AGBL4: variants seen among roughly 807,000 people sequenced by gnomAD.
AGBL4 encodes AGBL carboxypeptidase 4.
In AGBL4, 58 loss-of-function variants were observed where a neutral mutation model predicts 66.4. The ratio of observed to expected loss-of-function variants is 0.87; its 90% CI spans 0.71 to 1.09. The LOEUF is 1.09. Among genes scored for constraint, AGBL4 ranks in the 50% least tolerant of loss-of-function variants. The pLI is 0.00. For missense variants in AGBL4, 579 were observed against 631.0 expected (o/e 0.92, Z 0.88); for synonymous variants, 234 against 222.9 (o/e 1.05, Z -0.44).
At chr1:49,972,415 CT>C (rs1362777256) in intron 1 of AGBL4, among the ~76,000 whole-genome samples, 1 of 152,026 alleles carries the variant, frequency 6.6e-6, no homozygotes, top group African/African-American at 2.4e-5. Context: ...AAGTGAGAAC[CT>C]GTGGTATTTG....
At chr1:49,399,296 C>T (rs371825247) in intron 3 of AGBL4, among the ~76,000 whole-genome samples, 2 of 152,218 alleles carry the variant, frequency 1.3e-5, no homozygotes, top group African/African-American at 4.8e-5. Context: ...AATAGTGCTG[C>T]AATAAACATG....
chr1:49,815,059 A>G (rs1461541555), intron 2 of AGBL4, among the ~76,000 whole-genome samples: 2 of 152,118 alleles, frequency 1.3e-5, no homozygotes, highest in African/African-American at 2.4e-5. Flanking sequence ...AAAATGTACA[A>G]CAAAGTTATT....
At chr1:48,996,241 A>G (rs1382312091) in intron 5 of AGBL4, among the ~76,000 whole-genome samples, 1 of 152,258 alleles carries the variant, frequency 6.6e-6, no homozygotes, top group African/African-American at 2.4e-5. Flanking sequence ...GTTTGATTAT[A>G]CTAATCTAGA....
intron 3 of AGBL4, among the ~76,000 whole-genome samples, chr1:49,548,659 G>A (rs1652704784): frequency 6.6e-6 from 1 of 152,164 alleles, no homozygotes; most frequent in African/African-American, 2.4e-5. Context: ...TTTTTGATAT[G>A]TTGTTGAATT....
At chr1:49,926,838 T>C (rs1271484419) in intron 1 of AGBL4, among the ~76,000 whole-genome samples, 1 of 151,886 alleles carries the variant, frequency 6.6e-6, no homozygotes. Context: ...GGCTGTAGGG[T>C]TCACTAGAGG....
chr1:49,354,015 A>G (rs1643966365), intron 3 of AGBL4, among the ~76,000 whole-genome samples: 1 of 152,216 alleles, frequency 6.6e-6, no homozygotes, highest in South Asian at 2.1e-4. Context: ...CCAGGTACTA[A>G]GAGGGCAGGG....
At chr1:49,979,385 C>T (rs1351587275) in intron 1 of AGBL4, among the ~76,000 whole-genome samples, 2 of 150,932 alleles carry the variant, frequency 1.3e-5, no homozygotes, top group South Asian at 2.1e-4. Context: ...GGCGTGAACC[C>T]GGGAAGCGGA....
intron 1 of AGBL4, among the ~76,000 whole-genome samples, chr1:49,886,410 A>G (rs1648044460): frequency 6.6e-6 from 1 of 152,140 alleles, no homozygotes; most frequent in Non-Finnish European, 1.5e-5. Flanking sequence ...GGAGAGAGAA[A>G]AAGTAGCTAG....
At chr1:49,797,389 A>G (rs1644756645) in intron 2 of AGBL4, among the ~76,000 whole-genome samples, 1 of 152,190 alleles carries the variant, frequency 6.6e-6, no homozygotes, top group African/African-American at 2.4e-5. Flanking sequence ...TAGGTACATT[A>G]GTTATCTTAT....
At chr1:49,512,774 A>G (rs1288196088) in intron 3 of AGBL4, among the ~76,000 whole-genome samples, 1 of 151,934 alleles carries the variant, frequency 6.6e-6, no homozygotes, top group South Asian at 2.1e-4. Flanking sequence ...TAATTATATA[A>G]TTCTTTCCAG....
chr1:49,541,008 T>C (rs1651968030), intron 3 of AGBL4, among the ~76,000 whole-genome samples: 1 of 152,172 alleles, frequency 6.6e-6, no homozygotes, highest in Non-Finnish European at 1.5e-5. Context: ...CTGTCTAAAA[T>C]ATGGCTTTTG....
intron 5 of AGBL4, among the ~76,000 whole-genome samples, chr1:48,932,023 C>G (rs1232777235): frequency 1.3e-5 from 2 of 152,058 alleles, no homozygotes; most frequent in African/African-American, 4.8e-5. Context: ...GTCTGACTCC[C>G]CAAAGAGACT....
At chr1:48,806,932 ATGTG>A (rs3043291) in intron 6 of AGBL4, among the ~76,000 whole-genome samples, 14 of 150,808 alleles carry the variant, frequency 9.3e-5, no homozygotes, top group East Asian at 3.9e-4. Context: ...GTGTGCATAT[ATGTG>A]TGTGTGTGTG....
intron 1 of AGBL4, among the ~76,000 whole-genome samples, chr1:49,888,735 G>T (rs1429636244): frequency 6.6e-6 from 1 of 152,124 alleles, no homozygotes; most frequent in African/African-American, 2.4e-5. Context: ...AGTGAAATAA[G>T]ACCATAGTAA....
chr1:49,071,166 C>G (rs1451787544), intron 4 of AGBL4, among the ~76,000 whole-genome samples: 2 of 151,694 alleles, frequency 1.3e-5, no homozygotes, highest in Non-Finnish European at 1.5e-5. Context: ...TGTGGCCTAT[C>G]TATTTTGTTT....
At chr1:48,605,572 C>G (rs1403661332) in intron 9 of AGBL4, among the ~76,000 whole-genome samples, 2 of 152,180 alleles carry the variant, frequency 1.3e-5, no homozygotes, top group Admixed American at 6.5e-5. Flanking sequence ...TTCACTGTTT[C>G]ATTATTATTG....
chr1:48,812,357 A>C (rs559313843), intron 6 of AGBL4, among the ~76,000 whole-genome samples: 2 of 152,292 alleles, frequency 1.3e-5, no homozygotes, highest in Admixed American at 1.3e-4. Flanking sequence ...AGGAGGAAGT[A>C]GATTAGGAGG....
chr1:48,806,141 A>G (rs1400975611), intron 6 of AGBL4, among the ~76,000 whole-genome samples: 1 of 152,160 alleles, frequency 6.6e-6, no homozygotes, highest in Admixed American at 6.5e-5. Flanking sequence ...GAAAATAATC[A>G]CACCTTTCAC....
intron 3 of AGBL4, among the ~76,000 whole-genome samples, chr1:49,536,735 C>A (rs1476344812): frequency 6.6e-6 from 1 of 151,988 alleles, no homozygotes; most frequent in African/African-American, 2.4e-5. Flanking sequence ...ATAGAGAACC[C>A]AGAAATAAAG....
Sources: allele counts gnomAD v4.1 joint callset (sites outside exome capture counted in the v4.1 genomes callset), GRCh38; gene constraint gnomAD v4.1.1; transcripts MANE v1.5; gene names NCBI Gene and HGNC (gene_info 2026-07-23, HGNC 2026-07-21).